The following PLEKHA7 variants were observed in gnomAD, a reference collection of about 807,000 sequenced individuals.
PLEKHA7 encodes the protein pleckstrin homology domain-containing family A member 7.
In PLEKHA7, 104 loss-of-function variants were observed where a neutral mutation model predicts 170.0. The observed-to-expected ratio is 0.61, with a 90% CI of 0.52 to 0.72. The LOEUF (loss-of-function observed/expected upper bound fraction) is 0.72, where lower values mean the gene tolerates loss of function less well. Ranked by LOEUF, PLEKHA7 falls within the 30% of genes least tolerant of loss-of-function variation. The pLI is 0.00. For synonymous variants in PLEKHA7, 648 were observed against 660.8 expected (o/e 0.98, Z 0.30); for missense variants, 1,615 against 1,671.7 (o/e 0.97, Z 0.59).
chr11:17,013,134 T>G (rs986524152), intron 3 of PLEKHA7: 2 of 152,302 alleles, frequency 1.3e-5, no homozygotes, highest in African/African-American at 4.8e-5. Flanking sequence ...GTGTCTGGCC[T>G]CCCGGAGCTC....
rs1590170815 is a variant in PLEKHA7 at position 16,803,529 on chromosome 11, T to C, written c.2008-234A>G. On this transcript the variant is annotated intron_variant, in intron 13 of 26. Coordinates refer to ENST00000531066, the MANE Select transcript of PLEKHA7 (RefSeq NM_001329630.2). Reference sequence around the variant, plus strand: ...AGTAATGCTGGTAAGTCCTTTGAGTTAAAGAAAATGTAGATGTTCAAGTTA... The same window carrying C: ...AGTAATGCTGGTAAGTCCTTTGAGTCAAAGAAAATGTAGATGTTCAAGTTA... 7.7e-6 allele frequency: 4 copies of C among 516,704 alleles called. No individual in the cohort carries two copies. In the East Asian group the frequency reaches 1.3e-4, roughly 16 times the overall value. The allele number at this position is 516,704 out of a possible 1,614,324, so 32.0% of individuals were successfully genotyped here.
At chr11:17,011,067 C>T (rs1045040893) in intron 3 of PLEKHA7, among the ~76,000 whole-genome samples, 2 of 152,218 alleles carry the variant, frequency 1.3e-5, no homozygotes, top group African/African-American at 4.8e-5. Context: ...GTAGGAAAAT[C>T]ATTAGGGACC....
At chr11:16,941,198 A>G (rs561434705) in intron 3 of PLEKHA7, among the ~76,000 whole-genome samples, 9 of 152,290 alleles carry the variant, frequency 5.9e-5, no homozygotes, top group African/African-American at 1.9e-4. Flanking sequence ...CCTTACCCAG[A>G]TGGGTCAAAT....
At chr11:16,830,077 C>T (rs566689424) in intron 9 of PLEKHA7, among the ~76,000 whole-genome samples, 1 of 152,180 alleles carries the variant, frequency 6.6e-6, no homozygotes, top group East Asian at 1.9e-4. Context: ...CTCCTGGGAT[C>T]AAGTGATCCT....
rs1864035764 is a variant in PLEKHA7 at position 16,991,442 on chromosome 11, G to C, written c.221+22547C>G. Among the ~76,000 whole-genome samples, 3 of 151,998 alleles carry C rather than the reference G, an allele frequency of 2.0e-5. No homozygotes were observed. In the South Asian group the frequency reaches 6.3e-4, roughly 32 times the overall value. On this transcript the variant is annotated intron_variant, in intron 3 of 26. Coordinates refer to ENST00000531066, the MANE Select transcript of PLEKHA7 (RefSeq NM_001329630.2). ...TCAGGCTGAGAACTCCAAAGAAAAA[G>C]AAAGCAGCACCGAGATAATAGAGTG...
At chr11:16,813,557 T>C (rs1849530673) in intron 12 of PLEKHA7, among the ~76,000 whole-genome samples, 1 of 152,102 alleles carries the variant, frequency 6.6e-6, no homozygotes, top group South Asian at 2.1e-4. Context: ...ATTCCATCCA[T>C]CAAACCTTTG....
chr11:16,864,666 A>C (rs1232167181), intron 4 of PLEKHA7, among the ~76,000 whole-genome samples: 2 of 152,100 alleles, frequency 1.3e-5, no homozygotes, highest in Admixed American at 6.6e-5. Context: ...TATAAAGGGG[A>C]GTTCCCCTGC....
intron 3 of PLEKHA7, among the ~76,000 whole-genome samples, chr11:16,885,576 A>C (rs1590465399): frequency 1.4e-5 from 2 of 145,996 alleles, no homozygotes; most frequent in South Asian, 4.2e-4. Flanking sequence ...GGCAGGAGGA[A>C]AAAAAAGAAC....
At chr11:16,962,262 C>T (rs903547642) in intron 3 of PLEKHA7, among the ~76,000 whole-genome samples, 2 of 152,224 alleles carry the variant, frequency 1.3e-5, no homozygotes, top group Non-Finnish European at 2.9e-5. Flanking sequence ...TGTTTTCTCA[C>T]TCTGAATGGG....
At chr11:16,957,621 T>C (rs190404156) in intron 3 of PLEKHA7, among the ~76,000 whole-genome samples, 4 of 151,988 alleles carry the variant, frequency 2.6e-5, no homozygotes, top group Non-Finnish European at 4.4e-5. Flanking sequence ...ACCATGAATG[T>C]GGTGAACACC....
At position 16,871,092 on chromosome 11, in the gene PLEKHA7, G is replaced by T; in HGVS notation, c.305+7C>A. 1 of 1,576,316 alleles carries T rather than the reference G, an allele frequency of 6.3e-7. No individual in the cohort carries two copies. The highest frequency in any genetic ancestry group is 8.7e-7 in the Non-Finnish European group (1 of 1,146,188). On this transcript the variant is annotated splice_region_variant and intron_variant, in intron 4 of 26. Coordinates refer to ENST00000531066, the MANE Select transcript of PLEKHA7 (RefSeq NM_001329630.2). ...CCCAGATAAGGAGAATACATAAAAA[G>T]ACTTACTCTTCTTGAAGAATGAATT...
intron 13 of PLEKHA7, among the ~76,000 whole-genome samples, chr11:16,811,112 G>A (rs528364755): frequency 1.3e-5 from 2 of 151,984 alleles, no homozygotes; most frequent in Non-Finnish European, 2.9e-5. Flanking sequence ...CTTTAATCCC[G>A]CATAGCTCAA....
chr11:16,860,285 A>T (rs1853834789), intron 4 of PLEKHA7, among the ~76,000 whole-genome samples: 1 of 152,140 alleles, frequency 6.6e-6, no homozygotes, highest in South Asian at 2.1e-4. Flanking sequence ...CATATAACTG[A>T]CAGATGTAGT....
chr11:16,891,538 C>G (rs1215798226), intron 3 of PLEKHA7, among the ~76,000 whole-genome samples: 1 of 152,170 alleles, frequency 6.6e-6, no homozygotes, highest in East Asian at 1.9e-4. Context: ...GCAGCCACAG[C>G]AAGTGAATAC....
At chr11:16,988,128 CA>C (rs1565183850) in intron 3 of PLEKHA7, among the ~76,000 whole-genome samples, 1 of 152,240 alleles carries the variant, frequency 6.6e-6, no homozygotes, top group Non-Finnish European at 1.5e-5. Flanking sequence ...ACAGAGAAGG[CA>C]AATGTCTTGC....
chr11:16,993,476 C>T (rs1047525015), intron 3 of PLEKHA7, among the ~76,000 whole-genome samples: 3 of 152,140 alleles, frequency 2.0e-5, no homozygotes, highest in African/African-American at 7.2e-5. Flanking sequence ...GTTCCTGTGG[C>T]TCTCCTTGCT....
In PLEKHA7 at chr11:16,947,953, A is replaced by AAAAAGAAT. The variant is rs1420110189; in HGVS notation, c.221+66035_221+66036insATTCTTTT. Among the ~76,000 whole-genome samples the AAAAAGAAT allele has an allele frequency of 1.9e-4, 29 of 152,006 alleles. 1 individual carries two copies. Among genetic ancestry groups the AAAAAGAAT allele is most frequent in the Admixed American group, 1.9e-3 (29 of 15,266 alleles). ...AAAAAGAAAAAAAAGAAAAAAAGAA[A>AAAAAGAAT]AGAAAACATGCATATATATACATAA... On this transcript the variant is annotated intron_variant, in intron 3 of 26. Transcript: ENST00000531066.
At chr11:16,838,946 A>G (rs917939263) in intron 9 of PLEKHA7, among the ~76,000 whole-genome samples, 2 of 152,066 alleles carry the variant, frequency 1.3e-5, no homozygotes, top group African/African-American at 4.8e-5. Context: ...TCGGTCTCCC[A>G]AAGTGCTGGG....
At chr11:17,005,876 G>A (rs1196821725) in intron 3 of PLEKHA7, among the ~76,000 whole-genome samples, 1 of 152,170 alleles carries the variant, frequency 6.6e-6, no homozygotes, top group East Asian at 1.9e-4. Flanking sequence ...CAACCAGGAA[G>A]TGAAATATAA....
Sources: allele counts gnomAD v4.1 joint callset (sites outside exome capture counted in the v4.1 genomes callset), GRCh38; gene constraint gnomAD v4.1.1; transcripts MANE v1.5; gene names NCBI Gene and HGNC (gene_info 2026-07-23, HGNC 2026-07-21).